ADCYAP1R1: variants seen among roughly 807,000 people sequenced by gnomAD.
ADCYAP1R1 encodes pituitary adenylate cyclase-activating polypeptide type I receptor.
A neutral mutation model predicts 67.6 loss-of-function variants in ADCYAP1R1; 44 were observed. That is an observed-to-expected ratio of 0.65 (90% CI 0.51 to 0.84). The LOEUF (loss-of-function observed/expected upper bound fraction) is 0.84. Ranked by LOEUF, ADCYAP1R1 falls within the 40% of genes least tolerant of loss-of-function variation. The pLI is 0.00. For synonymous variants in ADCYAP1R1, 222 were observed against 219.6 expected, an observed-to-expected ratio of 1.01 and a Z score of -0.10; for missense variants, 477 against 587.9, an observed-to-expected ratio of 0.81 and a Z score of 1.95.
chr7:31,094,064 T>G (rs1796083439), intron 13 of ADCYAP1R1, among the ~76,000 whole-genome samples: 1 of 152,160 alleles, frequency 6.6e-6, no homozygotes, highest in Admixed American at 6.5e-5. Context: ...GCACAGGGCC[T>G]GGGGTGTTCA....
intron 13 of ADCYAP1R1, among the ~76,000 whole-genome samples, chr7:31,099,636 A>G (rs1377935291): frequency 6.6e-6 from 1 of 152,164 alleles, no homozygotes; most frequent in African/African-American, 2.4e-5. Context: ...GTGGACGGAC[A>G]CCCAAGTTGA....
chr7:31,091,331 A>T (rs1795951970), intron 12 of ADCYAP1R1, among the ~76,000 whole-genome samples: 1 of 152,220 alleles, frequency 6.6e-6, no homozygotes, highest in Non-Finnish European at 1.5e-5. Context: ...TGTTGGATGC[A>T]TAATTTGCAA....
At chr7:31,068,541 T>C (rs1212608921) in intron 3 of ADCYAP1R1, among the ~76,000 whole-genome samples, 1 of 152,156 alleles carries the variant, frequency 6.6e-6, no homozygotes, top group African/African-American at 2.4e-5. Context: ...GAAAGAGGCC[T>C]TGGGAGACAG....
chr7:31,080,039 A>G (rs376420117), intron 4 of ADCYAP1R1, among the ~76,000 whole-genome samples: 15 of 152,192 alleles, frequency 9.9e-5, no homozygotes, highest in African/African-American at 3.4e-4. Context: ...TGTTTATTGA[A>G]CATCTACTCT....
intron 12 of ADCYAP1R1, among the ~76,000 whole-genome samples, chr7:31,090,420 T>G (rs1656930179): frequency 6.6e-6 from 1 of 152,234 alleles, no homozygotes; most frequent in African/African-American, 2.4e-5. Context: ...TAAAAATAAT[T>G]TCAACTTTTA....
At position 31,092,736 on chromosome 7, in the gene ADCYAP1R1, G is replaced by T. The variant is rs1207032286; in HGVS notation, c.1046+1G>T. ...GAGGCAATGAGTCCAGCATCTACTTGTAAGTACCATTGTGTGGCTGCCACA... is the reference window on the plus strand; with the variant it reads ...GAGGCAATGAGTCCAGCATCTACTTTTAAGTACCATTGTGTGGCTGCCACA... On this transcript the variant is annotated splice_donor_variant, in intron 13 of 15. Coordinates refer to ENST00000304166, the MANE Select transcript of ADCYAP1R1 (RefSeq NM_001118.5). LOFTEE classifies it high-confidence loss of function. 2 of 1,608,196 alleles carry T rather than the reference G, an allele frequency of 1.2e-6. No individual in the cohort carries two copies.
chr7:31,078,637 C>G (rs1219778912), intron 4 of ADCYAP1R1, among the ~76,000 whole-genome samples: 2 of 152,208 alleles, frequency 1.3e-5, no homozygotes, highest in African/African-American at 4.8e-5. Flanking sequence ...AAGACACCCA[C>G]GTCCACATGC....
rs868664900 is a variant in ADCYAP1R1, at chr7:31,106,549, C to T, written c.1272C>T (p.Phe424=). The T allele has an allele frequency of 2.0e-5, 33 of 1,613,696 alleles. No homozygotes were observed. Among genetic ancestry groups the T allele is most frequent in the African/African-American group, 5.3e-5 (4 of 74,938 alleles). Residue 424 remains phenylalanine, a synonymous_variant, in exon 16 of 16, where the codon TTC becomes TTT. Coordinates refer to ENST00000304166, the MANE Select transcript of ADCYAP1R1 (RefSeq NM_001118.5). ...GAAGCTGGAAGGTGAACCGTTACTT[C>T]GCTGTGGACTTCAAGCACCGACACC... The part of the protein sequence containing the change: ...KWRSWKVNRY[F]AVDFKHRHPS...
rs1796761137 is a variant in ADCYAP1R1 at position 31,109,187 on chromosome 7, TTAG to T, written c.*2505_*2507del. The T allele has an allele frequency of 6.6e-6, 1 of 152,114 alleles. No homozygotes were observed. The highest frequency in any genetic ancestry group is 1.5e-5 in the Non-Finnish European group (1 of 68,060). The allele number at this position is 152,114 out of a possible 1,614,324, so 9.4% of individuals were successfully genotyped here. On this transcript the variant is annotated 3_prime_UTR_variant, in exon 16 of 16. Coordinates refer to ENST00000304166, the MANE Select transcript of ADCYAP1R1 (RefSeq NM_001118.5). Reference sequence around the variant, plus strand: ...CATAGAGGTGCCGGGTTCCTATTGGTTAGTTGGTTGTTTTTCCGTCTGAGTGAA... The same window carrying T: ...CATAGAGGTGCCGGGTTCCTATTGGTTTGGTTGTTTTTCCGTCTGAGTGAA...
chr7:31,099,849 C>T (rs1461533022), intron 13 of ADCYAP1R1, among the ~76,000 whole-genome samples: 1 of 152,194 alleles, frequency 6.6e-6, no homozygotes, highest in Non-Finnish European at 1.5e-5. Flanking sequence ...CTTCTGAATA[C>T]ACACCTTCCC....
At chr7:31,069,148 G>C (rs541641845) in intron 3 of ADCYAP1R1, among the ~76,000 whole-genome samples, 1 of 152,308 alleles carries the variant, frequency 6.6e-6, no homozygotes, top group South Asian at 2.1e-4. Context: ...CCACTGGCCA[G>C]AGCACAGCAT....
rs117231365 is a variant in ADCYAP1R1 at position 31,092,514 on chromosome 7, T to G, written c.955-130T>G. On this transcript the variant is annotated intron_variant, in intron 12 of 15. Transcript: ENST00000304166. The stretch of plus-strand genomic sequence containing the variant: ...GGAGGCTGGAGAGATAAATGGGAAT[T>G]ATCACACCGCCATCTTGGATTAGAA... 3.4e-3 allele frequency: 2,325 copies of G among 690,800 alleles called. 60 individuals carry two copies. In the East Asian group the frequency reaches 0.052, roughly 16 times the overall value. 42.8% of individuals were successfully genotyped at this position (690,800 alleles called of 1,614,324 possible). A position where few individuals can be genotyped will look rare whatever the true frequency, so the allele number is the denominator to read the frequency against.
intron 1 of ADCYAP1R1, among the ~76,000 whole-genome samples, chr7:31,060,255 C>T (rs1794442224): frequency 6.6e-6 from 1 of 152,234 alleles, no homozygotes; most frequent in Non-Finnish European, 1.5e-5. Context: ...CACACATGTG[C>T]ATGTGTGCCT....
In ADCYAP1R1 at chr7:31,109,424, C is replaced by G. The variant is rs988324161; in HGVS notation, c.*2740C>G. The G allele has an allele frequency of 1.3e-5, 2 of 152,206 alleles. No homozygotes were observed. The highest frequency in any genetic ancestry group is 2.9e-5 in the Non-Finnish European group (2 of 68,070). 9.4% of individuals were successfully genotyped at this position (152,206 alleles called of 1,614,324 possible). ...ATGCATCTCTGGAACTCTGTCTAAA[C>G]ACCAGCCATCTACTTGGAATGGGCC... On this transcript the variant is annotated 3_prime_UTR_variant, in exon 16 of 16. Coordinates refer to ENST00000304166, the MANE Select transcript of ADCYAP1R1 (RefSeq NM_001118.5).
rs1795740025 is a variant in ADCYAP1R1, at chr7:31,086,312, G to A, written c.670-72G>A. ...TGAACCTGAGCATGCCAGAGCCAAC[G>A]GGCCCTAGGATTCTCCCTTGCTCCT... is the stretch of plus-strand genomic sequence containing the variant. On this transcript the variant is annotated intron_variant, in intron 9 of 15. Transcript: ENST00000304166. This position sits in a 1 kb window ranked among gnomAD's most constrained non-coding sequence, Gnocchi z 5.0. 2.0e-6 allele frequency: 3 copies of A among 1,508,432 alleles called. No individual in the cohort carries two copies. The highest frequency in any genetic ancestry group is 2.7e-6 in the Non-Finnish European group (3 of 1,110,202). The allele number at this position is 1,508,432 out of a possible 1,614,324, so 93.4% of individuals were successfully genotyped here. A position where few individuals can be genotyped will look rare whatever the true frequency, so the allele number is the denominator to read the frequency against.
In ADCYAP1R1 at chr7:31,054,370, A is replaced by G. The variant is rs186707100; in HGVS notation, c.-72+1692A>G. Among the ~76,000 whole-genome samples, 240 of 152,208 alleles carry G rather than the reference A, an allele frequency of 1.6e-3. 1 individual carries two copies. The highest frequency in any genetic ancestry group is 4.7e-3 in the African/African-American group (196 of 41,522). On this transcript the variant is annotated intron_variant, in intron 1 of 15. Coordinates refer to ENST00000304166, the MANE Select transcript of ADCYAP1R1 (RefSeq NM_001118.5). Reference sequence around the variant, plus strand: ...TCCCTCTCCTGCACTCTCGGGACTGATCTAAGCTAAGGGGTGCATTAAGTC... The same window carrying G: ...TCCCTCTCCTGCACTCTCGGGACTGGTCTAAGCTAAGGGGTGCATTAAGTC...
intron 3 of ADCYAP1R1, among the ~76,000 whole-genome samples, chr7:31,076,579 G>A (rs1204928063): frequency 6.6e-6 from 1 of 152,180 alleles, no homozygotes; most frequent in East Asian, 1.9e-4. Flanking sequence ...CTCTCCATCA[G>A]TCTGGAGATG....
At chr7:31,069,260 C>T (rs1240672448) in intron 3 of ADCYAP1R1, among the ~76,000 whole-genome samples, 1 of 152,214 alleles carries the variant, frequency 6.6e-6, no homozygotes, top group African/African-American at 2.4e-5. Flanking sequence ...TCTGAGCGTA[C>T]CAAAGAATCG....
rs749218980 is a variant in ADCYAP1R1 at position 31,085,441 on chromosome 7, C to G, written c.668C>G (p.Thr223Ser). The change falls in exon 9 of 16, where the codon ACT (threonine) becomes AGT (serine). Residue 223 changes from threonine (T) to serine (S), a missense_variant and splice_region_variant. By Grantham distance (58) the Thr-to-Ser change is moderately conservative. Coordinates refer to ENST00000304166, the MANE Select transcript of ADCYAP1R1 (RefSeq NM_001118.5). Reference protein sequence around the residue: ...EQDSNHCFISTVECKAVMVFF... With the variant: ...EQDSNHCFISSVECKAVMVFF... ...GACAGCAACCACTGCTTCATCTCCA[C>G]TGTGAGTGAGCCAAGCAGACCCATT... 10 of 1,612,290 alleles carry G rather than the reference C, an allele frequency of 6.2e-6. No homozygotes were observed. The highest frequency in any genetic ancestry group is 8.5e-6 in the Non-Finnish European group (10 of 1,179,752).
Sources: allele counts gnomAD v4.1 joint callset (sites outside exome capture counted in the v4.1 genomes callset), GRCh38; gene constraint gnomAD v4.1.1; non-coding constraint Gnocchi (gnomAD v3.1); transcripts MANE v1.5; gene names NCBI Gene and HGNC (gene_info 2026-07-23, HGNC 2026-07-21).